The following SLC29A3 variants were observed in gnomAD, a reference collection of about 807,000 sequenced individuals.
SLC29A3 encodes equilibrative nucleoside transporter 3.
A neutral mutation model predicts 25.4 loss-of-function variants in SLC29A3; 18 were observed. The ratio of observed to expected loss-of-function variants is 0.71; its 90% CI spans 0.49 to 1.05. The LOEUF is 1.05. SLC29A3 is among the 50% of genes least tolerant of loss of function. The pLI is 0.00. For missense variants in SLC29A3, 586 were observed against 609.0 expected (o/e 0.96, Z 0.40); for synonymous variants, 258 against 267.1 (o/e 0.97, Z 0.33).
intron 4 of SLC29A3, among the ~76,000 whole-genome samples, chr10:71,354,661 G>A (rs530518255): frequency 5.3e-5 from 8 of 152,252 alleles, no homozygotes; most frequent in South Asian, 2.1e-4. Flanking sequence ...ATGCCCACAC[G>A]GACCCAGCCT....
At chr10:71,328,357 C>T (rs4494244) in intron 2 of SLC29A3, among the ~76,000 whole-genome samples, 60,473 of 152,042 alleles carry the variant, frequency 0.4, 13,711 homozygotes, top group African/African-American at 0.63. Flanking sequence ...GGGCTCCATG[C>T]CTGGGTCTTC....
At chr10:71,332,690 A>C (rs1434643107) in intron 2 of SLC29A3, among the ~76,000 whole-genome samples, 2 of 152,186 alleles carry the variant, frequency 1.3e-5, no homozygotes, top group Non-Finnish European at 2.9e-5. Flanking sequence ...ATTTTTAAAA[A>C]TTAGAACCAA....
intron 4 of SLC29A3, among the ~76,000 whole-genome samples, chr10:71,378,768 G>A (rs1847280145): frequency 1.3e-5 from 2 of 152,140 alleles, no homozygotes; most frequent in African/African-American, 2.4e-5. Flanking sequence ...CTCCCTTATG[G>A]GCTTGAGCTC....
chr10:71,353,767 C>T (rs553628861), intron 4 of SLC29A3, among the ~76,000 whole-genome samples: 3 of 152,316 alleles, frequency 2.0e-5, no homozygotes, highest in Admixed American at 6.5e-5. Context: ...GCGTTGGCAT[C>T]TGAGGAACAA....
At chr10:71,332,071 T>G (rs1005613750) in intron 2 of SLC29A3, among the ~76,000 whole-genome samples, 2 of 152,160 alleles carry the variant, frequency 1.3e-5, no homozygotes, top group African/African-American at 4.8e-5. Context: ...TCTCTCCAAA[T>G]GGAAACAATG....
At chr10:71,334,956 CTTTT>C (rs59654006) in intron 2 of SLC29A3, among the ~76,000 whole-genome samples, 1 of 129,328 alleles carries the variant, frequency 7.7e-6, no homozygotes, top group Admixed American at 7.8e-5. Context: ...CTTTTTTTTT[CTTTT>C]TTTTTTTTTT....
In SLC29A3 at chr10:71,356,981, T is replaced by G. The variant is rs369049070; in HGVS notation, c.773+738T>G. On this transcript the variant is annotated intron_variant, in intron 5 of 5. Transcript: ENST00000373189. ...TGTTTTAGTAGAGACAGGGTTTCAC[T>G]CTGCAGGCCAGGCTGGAGTGCAGGG... Among the ~76,000 whole-genome samples the G allele has an allele frequency of 9.2e-5, 14 of 152,210 alleles. 1 individual carries two copies. Among genetic ancestry groups the G allele is most frequent in the African/African-American group, 3.1e-4 (13 of 41,478 alleles).
chr10:71,344,178 C>A, intron 2 of SLC29A3, 31 bp from the exon 3 acceptor site: 1 of 1,578,680 alleles, frequency 6.3e-7, no homozygotes, highest in Non-Finnish European at 8.7e-7. Context: ...CCCTGAGTGA[C>A]CGCAGCACCT....
chr10:71,353,994 C>CAG (rs1846830164), intron 4 of SLC29A3, among the ~76,000 whole-genome samples: 1 of 152,142 alleles, frequency 6.6e-6, no homozygotes, highest in Non-Finnish European at 1.5e-5. Flanking sequence ...TGGGGAGTGT[C>CAG]TTACTGAGTT....
chr10:71,326,192 T>A (rs894502005), intron 2 of SLC29A3, among the ~76,000 whole-genome samples: 2 of 152,014 alleles, frequency 1.3e-5, no homozygotes, highest in African/African-American at 4.8e-5. Context: ...AGTGCTGGGG[T>A]TACAGGCATG....
chr10:71,324,304 T>C (rs1320931350), intron 2 of SLC29A3, among the ~76,000 whole-genome samples: 1 of 152,112 alleles, frequency 6.6e-6, no homozygotes, highest in African/African-American at 2.4e-5. Flanking sequence ...CAGCCAAACA[T>C]GGAAAATACA....
At chr10:71,322,310 C>G (rs1022027891) in intron 1 of SLC29A3, among the ~76,000 whole-genome samples, 4 of 152,240 alleles carry the variant, frequency 2.6e-5, no homozygotes, top group African/African-American at 7.2e-5. Context: ...CTCCTTATTT[C>G]TTTCACCTGA....
intron 5 of SLC29A3, among the ~76,000 whole-genome samples, chr10:71,356,957 GT>G (rs759833704): frequency 1.3e-5 from 2 of 152,180 alleles, no homozygotes; most frequent in Non-Finnish European, 2.9e-5. Flanking sequence ...AATTGCTGTT[GT>G]TTTAGTAGAG....
At chr10:71,380,540 TC>T (rs924952262) in exon 5 of SLC29A3, 1 of 152,200 alleles carries the variant, frequency 6.6e-6, no homozygotes, top group African/African-American at 2.4e-5. Context: ...AATTGGGACT[TC>T]CCTCTGTTCC....
chr10:71,360,221 G>A (rs189165923), intron 5 of SLC29A3, among the ~76,000 whole-genome samples: 1 of 128,702 alleles, frequency 7.8e-6, no homozygotes, highest in East Asian at 2.5e-4. Flanking sequence ...TTGGCTCACT[G>A]CAATGTCCAT....
downstream of SLC29A3, among the ~76,000 whole-genome samples, chr10:71,367,282 C>T (rs931902069): frequency 3.3e-5 from 5 of 152,164 alleles, no homozygotes; most frequent in Non-Finnish European, 5.9e-5. Context: ...CTGCATGGCT[C>T]GCTGCTGACA....
chr10:71,327,626 C>G (rs750009900), intron 2 of SLC29A3, among the ~76,000 whole-genome samples: 1 of 152,116 alleles, frequency 6.6e-6, no homozygotes, highest in Non-Finnish European at 1.5e-5. Flanking sequence ...GGGAATTTCA[C>G]GGGGCATTGA....
At chr10:71,339,590 G>A (rs75985212) in intron 2 of SLC29A3, among the ~76,000 whole-genome samples, 5,471 of 152,162 alleles carry the variant, frequency 0.036, 130 homozygotes, top group Middle Eastern at 0.089. Context: ...GGATGGGATG[G>A]ACAACACAGT....
chr10:71,346,113 AG>A (rs1846570899), intron 3 of SLC29A3, among the ~76,000 whole-genome samples: 2 of 152,202 alleles, frequency 1.3e-5, no homozygotes, highest in South Asian at 4.1e-4. Flanking sequence ...AGGAGACCAC[AG>A]GGGCACCATG....
Sources: allele counts gnomAD v4.1 joint callset (sites outside exome capture counted in the v4.1 genomes callset), GRCh38; gene constraint gnomAD v4.1.1; transcripts MANE v1.5; gene names NCBI Gene and HGNC (gene_info 2026-07-23, HGNC 2026-07-21).